CNTN5: variants seen among roughly 807,000 people sequenced by gnomAD.
The protein encoded by CNTN5 is contactin 5.
A neutral mutation model predicts 129.1 loss-of-function variants in CNTN5; 77 were observed. The ratio of observed to expected loss-of-function variants is 0.60; its 90% CI spans 0.50 to 0.72. The LOEUF is 0.72. CNTN5 is among the 30% of genes least tolerant of loss of function. CNTN5 has a pLI of 0.00. For missense variants in CNTN5, 1,478 were observed against 1,328.8 expected, an observed-to-expected ratio of 1.11 and a Z score of -1.75; for synonymous variants, 509 against 465.6, an observed-to-expected ratio of 1.09 and a Z score of -1.20.
chr11:99,884,016 G>A (rs1381578883), intron 6 of CNTN5, among the ~76,000 whole-genome samples: 1 of 152,116 alleles, frequency 6.6e-6, no homozygotes, highest in East Asian at 1.9e-4. Context: ...AAGTGATTCT[G>A]TTTTCACCTT....
intron 2 of CNTN5, among the ~76,000 whole-genome samples, chr11:99,514,903 G>A (rs1228456101): frequency 1.3e-5 from 2 of 151,944 alleles, no homozygotes; most frequent in Non-Finnish European, 1.5e-5. Flanking sequence ...TTTCCTTTAA[G>A]TCAGTGAGAC....
chr11:99,749,362 A>G (rs1395311398), intron 3 of CNTN5, among the ~76,000 whole-genome samples: 1 of 152,222 alleles, frequency 6.6e-6, no homozygotes, highest in Non-Finnish European at 1.5e-5. Context: ...CTAACCTTTA[A>G]TATGATAGTA....
intron 2 of CNTN5, among the ~76,000 whole-genome samples, chr11:99,334,178 G>A (rs1866123400): frequency 6.6e-6 from 1 of 151,914 alleles, no homozygotes; most frequent in Admixed American, 6.6e-5. Flanking sequence ...ATCTTTGAAA[G>A]CAATTCAAAC....
At position 100,308,379 on chromosome 11, in the gene CNTN5, G is replaced by A. The variant is rs201405601; in HGVS notation, c.2641G>A (p.Asp881Asn). Residue 881 changes from aspartate (D) to asparagine (N), a missense_variant, in exon 21 of 25, where the codon GAT (aspartate) becomes AAT (asparagine). Coordinates refer to ENST00000524871, the MANE Select transcript of CNTN5 (RefSeq NM_014361.4). Reference protein sequence around the residue: ...AEGEPSAAPTDVKATSVSVSE... With the variant: ...AEGEPSAAPTNVKATSVSVSE... ...TACAGAACCCAGTGCTGCTCCCACA[G>A]ATGTCAAGGCGACAAGTGTGTCTGT... 2.5e-5 allele frequency: 41 copies of A among 1,610,770 alleles called. 1 individual carries two copies. The highest frequency in any genetic ancestry group is 3.5e-5 in the Non-Finnish European group (41 of 1,177,866).
At chr11:100,143,681 T>C (rs746193857) in intron 13 of CNTN5, among the ~76,000 whole-genome samples, 1 of 152,122 alleles carries the variant, frequency 6.6e-6, no homozygotes. Context: ...AGTAATATGG[T>C]ACCCACTCTA....
At chr11:99,408,420 A>T (rs1185242362) in intron 2 of CNTN5, among the ~76,000 whole-genome samples, 1 of 106,732 alleles carries the variant, frequency 9.4e-6, no homozygotes, top group Non-Finnish European at 1.9e-5. Context: ...AAAGAAAGGA[A>T]GGAAAGAAAA....
At chr11:99,841,968 C>T (rs1159313623) in intron 4 of CNTN5, among the ~76,000 whole-genome samples, 3 of 151,622 alleles carry the variant, frequency 2.0e-5, no homozygotes, top group African/African-American at 7.3e-5. Context: ...CTCGCTGCAA[C>T]TTCCACCTCC....
chr11:100,277,663 G>GT (rs532236702), intron 18 of CNTN5, among the ~76,000 whole-genome samples: 283 of 151,646 alleles, frequency 1.9e-3, no homozygotes, highest in Non-Finnish European at 3.1e-3. Flanking sequence ...TATGAATTGG[G>GT]TTTTTTTTAT....
At position 99,616,535 on chromosome 11, in the gene CNTN5, T is replaced by C. The variant is rs1359163772; in HGVS notation, c.55+60266T>C. On this transcript the variant is annotated intron_variant, in intron 3 of 24. Transcript: ENST00000524871. Reference sequence around the variant, plus strand: ...ATATCCTCGACCAGATTATAAGATATAGATATGAATAGAATATGGATATTT... The same window carrying C: ...ATATCCTCGACCAGATTATAAGATACAGATATGAATAGAATATGGATATTT... 3.3e-5 allele frequency among the ~76,000 whole-genome samples: 5 copies of C among 152,348 alleles called. No individual in the cohort carries two copies. The South Asian group carries it at 8.3e-4, about 25-fold the overall frequency.
intron 1 of CNTN5, among the ~76,000 whole-genome samples, chr11:99,324,561 A>G (rs1865703072): frequency 6.6e-6 from 1 of 152,212 alleles, no homozygotes; most frequent in Non-Finnish European, 1.5e-5. Context: ...CAATCCTAAT[A>G]CATCAATAAT....
At chr11:99,853,685 T>A (rs960518990) in intron 6 of CNTN5, among the ~76,000 whole-genome samples, 18 of 152,174 alleles carry the variant, frequency 1.2e-4, no homozygotes, top group African/African-American at 4.3e-4. Flanking sequence ...CGGCTTTATA[T>A]ATATTTTAAA....
intron 18 of CNTN5, among the ~76,000 whole-genome samples, chr11:100,290,454 A>G (rs1381291123): frequency 4.8e-5 from 7 of 147,084 alleles, no homozygotes; most frequent in African/African-American, 1.5e-4. Context: ...ATAATGCCGC[A>G]TATCTACAAC....
chr11:99,401,477 G>T (rs1333187416), intron 2 of CNTN5, among the ~76,000 whole-genome samples: 5 of 151,974 alleles, frequency 3.3e-5, no homozygotes, highest in Admixed American at 6.6e-5. Flanking sequence ...TGTTATTTTG[G>T]TTACTATACC....
At chr11:99,527,382 C>G (rs1405622904) in intron 2 of CNTN5, among the ~76,000 whole-genome samples, 1 of 152,112 alleles carries the variant, frequency 6.6e-6, no homozygotes, top group Non-Finnish European at 1.5e-5. Context: ...TTATTTCATT[C>G]CTTTTATGCA....
chr11:99,718,838 T>C (rs1225700645), intron 3 of CNTN5, among the ~76,000 whole-genome samples: 2 of 152,168 alleles, frequency 1.3e-5, no homozygotes, highest in East Asian at 3.9e-4. Context: ...TAAGTAACTT[T>C]TAGAACTTAA....
At chr11:99,241,322 T>TTTG (rs1861546574) in intron 1 of CNTN5, among the ~76,000 whole-genome samples, 1 of 147,052 alleles carries the variant, frequency 6.8e-6, no homozygotes, top group Non-Finnish European at 1.5e-5. Context: ...TTGTTGGTTT[T>TTTG]TTTTTTTTTT....
At chr11:99,954,358 TAA>T (rs5794032) in intron 7 of CNTN5, among the ~76,000 whole-genome samples, 5 of 151,932 alleles carry the variant, frequency 3.3e-5, no homozygotes, top group Admixed American at 6.6e-5. Flanking sequence ...ACCATACTGT[TAA>T]AAAAAAACCT....
chr11:99,323,474 T>A (rs1262663799), intron 1 of CNTN5, among the ~76,000 whole-genome samples: 2 of 152,284 alleles, frequency 1.3e-5, no homozygotes, highest in East Asian at 3.9e-4. Flanking sequence ...TAGTTCATAA[T>A]GAAATGTGAA....
chr11:99,770,382 T>A (rs1396476698), intron 3 of CNTN5, among the ~76,000 whole-genome samples: 1 of 152,114 alleles, frequency 6.6e-6, no homozygotes, highest in African/African-American at 2.4e-5. Context: ...AGCATATAAT[T>A]TATGATTCTG....
Sources: gnomAD v4.1 joint callset for allele counts (sites outside exome capture counted in the v4.1 genomes callset) on GRCh38, gnomAD v4.1.1 for gene constraint, MANE v1.5 for transcripts, NCBI Gene and HGNC (gene_info 2026-07-23, HGNC 2026-07-21) for gene names.